Variants in THBS1 observed in about 807,000 individuals in gnomAD.
The protein encoded by THBS1 is thrombospondin 1.
THBS1 carries 29 observed loss-of-function variants against 126.1 expected under a neutral mutation model. The observed-to-expected ratio is 0.23, with a 90% confidence interval of 0.17 to 0.31. The LOEUF (loss-of-function observed/expected upper bound fraction) is 0.31. THBS1 is among the 10% of genes least tolerant of loss of function. The pLI is 1.00. For synonymous variants in THBS1, 496 were observed against 577.8 expected (o/e 0.86, Z 2.03); for missense variants, 1,198 against 1,545.2 (o/e 0.78, Z 3.77).
rs374502372 is a variant in THBS1 at position 39,583,577 on chromosome 15, G to A, written c.628-40G>A. The A allele has an allele frequency of 5.7e-5, 37 of 647,764 alleles. 1 individual carries two copies. Among genetic ancestry groups the A allele is most frequent in the Non-Finnish European group, 8.7e-5 (31 of 355,200 alleles). The allele number at this position is 647,764 out of a possible 1,614,324, so 40.1% of individuals were successfully genotyped here. On this transcript the variant is annotated intron_variant, in intron 3 of 21. Transcript: ENST00000260356. ...TCTCCCCCAACCCCATCCCCACCCC[G>A]CTCTGCATTCTACAAGTAATGTGTG...
chr15:39,584,317 G>T lies in THBS1; in HGVS notation c.921G>T (p.Glu307Asp). The T allele has an allele frequency of 1.9e-6, 3 of 1,614,246 alleles. No individual in the cohort carries two copies. Among genetic ancestry groups the T allele is most frequent in the Non-Finnish European group, 2.5e-6 (3 of 1,180,042 alleles). Residue 307 changes from glutamate to aspartate, a missense_variant, in exon 6 of 22, where the codon GAG (glutamate) becomes GAT (aspartate). Physicochemically the swap from Glu to Asp is conservative, Grantham distance 45 (BLOSUM62 2). Coordinates refer to ENST00000260356, the MANE Select transcript of THBS1 (RefSeq NM_003246.4). Reference sequence around the variant, plus strand: ...CCATTTAGACTGAAGAGAACAAAGAGTTGGCCAATGAGCTGAGGCGGCCTC... The same window carrying T: ...CCATTTAGACTGAAGAGAACAAAGATTTGGCCAATGAGCTGAGGCGGCCTC... ...SIRKVTEENK[E>D]LANELRRPPL...
chr15:39,587,558 C>T, intron 8 of THBS1, 38 bp downstream of exon 8: 1 of 1,576,168 alleles, frequency 6.3e-7, no homozygotes, highest in Non-Finnish European at 8.6e-7. Flanking sequence ...GGAGAACTGA[C>T]CTGTCCTTGT....
rs913958833 is a variant in THBS1 at position 39,597,424 on chromosome 15, T to C, written c.*2055T>C. The C allele has an allele frequency of 6.6e-6, 1 of 152,038 alleles. No homozygotes were observed. The highest frequency in any genetic ancestry group is 2.4e-5 in the African/African-American group (1 of 41,418). 9.4% of individuals were successfully genotyped at this position (152,038 alleles called of 1,614,324 possible). A position where few individuals can be genotyped will look rare whatever the true frequency, so the allele number is the denominator to read the frequency against. ...GTAAGTTGTATATTACTGTTTCTTA[T>C]GTACAAGGAACAACAATAAATCATA... On this transcript the variant is annotated 3_prime_UTR_variant, in exon 22 of 22. Coordinates refer to ENST00000260356, the MANE Select transcript of THBS1 (RefSeq NM_003246.4).
chr15:39,589,751 G>C lies in THBS1; in HGVS notation c.1927-54G>C, dbSNP rs1352082040. 1 of 1,506,354 alleles carries C rather than the reference G, an allele frequency of 6.6e-7. No homozygotes were observed. The highest frequency in any genetic ancestry group is 1.4e-5 in the African/African-American group (1 of 71,902). The allele number at this position is 1,506,354 out of a possible 1,614,324, so 93.3% of individuals were successfully genotyped here. A position where few individuals can be genotyped will look rare whatever the true frequency, so the allele number is the denominator to read the frequency against. ...CAGGGATCTGGATTCTTGTTTCCAT[G>C]ATATCTGAGGATTCTCAAAAGCTCT... On this transcript the variant is annotated intron_variant, in intron 12 of 21. Transcript: ENST00000260356. This position sits in a 1 kb window ranked among gnomAD's most constrained non-coding sequence, Gnocchi z 4.7.
chr15:39,589,440 ACCCTTC>A lies in THBS1; in HGVS notation c.1926+87_1926+92del. 1 of 1,493,462 alleles carries A rather than the reference ACCCTTC, an allele frequency of 6.7e-7. No homozygotes were observed. Among genetic ancestry groups the A allele is most frequent in the Non-Finnish European group, 9.0e-7 (1 of 1,113,774 alleles). The allele number at this position is 1,493,462 out of a possible 1,614,324, so 92.5% of individuals were successfully genotyped here. A position where few individuals can be genotyped will look rare whatever the true frequency, so the allele number is the denominator to read the frequency against. Reference sequence around the variant, plus strand: ...GGGAGCGGGAGGAATGTAATTTCATACCCTTCACCAAAAAAAAAAGGGCGAGGAGAT... The same window carrying A: ...GGGAGCGGGAGGAATGTAATTTCATAACCAAAAAAAAAAGGGCGAGGAGAT... On this transcript the variant is annotated intron_variant, in intron 12 of 21. Transcript: ENST00000260356. This position sits in a 1 kb window ranked among gnomAD's most constrained non-coding sequence, Gnocchi z 4.7.
Position 39,588,668 on chromosome 15 carries a change from C to T in THBS1, c.1614C>T (p.Asn538=). 6.3e-7 allele frequency: 1 copy of T among 1,599,390 alleles called. No homozygotes were observed. The highest frequency in any genetic ancestry group is 1.1e-5 in the South Asian group (1 of 87,678). ...GKDCVGDVTE[N]QICNKQDCPI... ...ACTGCGTTGGTGATGTAACAGAAAA[C>T]CAGATCTGCAACAAGCAGGACTGTC... The change falls in exon 10 of 22, where the codon AAC becomes AAT. Residue 538 remains asparagine (N), a synonymous_variant. Coordinates refer to ENST00000260356, the MANE Select transcript of THBS1 (RefSeq NM_003246.4).
Position 39,590,530 on chromosome 15 carries a change from C to T in THBS1, c.2160C>T (p.Asn720=), listed in dbSNP as rs369739178. ...CTCTTTCCTAGGATAATTGCCCCAA[C>T]CTTCCCAACTCAGGGCAGGAAGACT... The part of the protein sequence containing the change: ...TYHCKKDNCP[N]LPNSGQEDYD... The change falls in exon 14 of 22, where the codon AAC becomes AAT. Residue 720 remains asparagine, a synonymous_variant. Coordinates refer to ENST00000260356, the MANE Select transcript of THBS1 (RefSeq NM_003246.4). 3 of 1,613,290 alleles carry T rather than the reference C, an allele frequency of 1.9e-6. No individual in the cohort carries two copies. The highest frequency in any genetic ancestry group is 2.5e-6 in the Non-Finnish European group (3 of 1,179,756).
chr15:39,581,639 CCTCTCTCTCT>C (rs3138595), intron 1 of THBS1, 180 bp from the exon 2 acceptor site: 16 of 366,060 alleles, frequency 4.4e-5, no homozygotes, highest in South Asian at 2.0e-4. Flanking sequence ...CTTTCCTCCA[CCTCTCTCTCT>C]CTCTCTCTCT....
In THBS1 at chr15:39,589,236, A is replaced by G. The variant is rs760043067; in HGVS notation, c.1808A>G (p.Asn603Ser). 9 of 1,614,018 alleles carry G rather than the reference A, an allele frequency of 5.6e-6. No individual in the cohort carries two copies. The highest frequency in any genetic ancestry group is 5.0e-5 in the Admixed American group (3 of 59,994). Residue 603 changes from asparagine (N) to serine (S), a missense_variant, in exon 12 of 22, where the codon AAT becomes AGT. Physicochemically the swap from Asn to Ser is conservative, Grantham distance 46. This residue lies in a region of THBS1 where 663 missense variants were observed against 860.1 expected (regional missense o/e 0.77). Transcript: ENST00000260356. This position sits in a 1 kb window ranked among gnomAD's most constrained non-coding sequence, Gnocchi z 4.7. ...KEVPDACFNH[N>S]GEHRCENTDP... ...GTGCCTGATGCCTGCTTCAACCACA[A>G]TGGAGAGCACCGGTGTGAGAACACG...
Position 39,581,208 on chromosome 15 carries a change from G to A in THBS1, c.-50G>A. The A allele has an allele frequency of 6.5e-6, 1 of 154,954 alleles. No homozygotes were observed. Among genetic ancestry groups the A allele is most frequent in the South Asian group, 1.8e-4 (1 of 5,662 alleles). The allele number at this position is 154,954 out of a possible 1,614,324, so 9.6% of individuals were successfully genotyped here. A position where few individuals can be genotyped will look rare whatever the true frequency, so the allele number is the denominator to read the frequency against. Reference sequence around the variant, plus strand: ...GCCGCCCTCGCCACCGCTCCCGGCCGCCGCGCTCCGGTACACACAGGTAAG... The same window carrying A: ...GCCGCCCTCGCCACCGCTCCCGGCCACCGCGCTCCGGTACACACAGGTAAG... On this transcript the variant is annotated 5_prime_UTR_variant, in exon 1 of 22. Coordinates refer to ENST00000260356, the MANE Select transcript of THBS1 (RefSeq NM_003246.4).
intron 4 of THBS1, 37 bp downstream of exon 4, chr15:39,583,729 CA>C (rs1890155393): frequency 6.3e-7 from 1 of 1,589,016 alleles, no homozygotes; most frequent in African/African-American, 1.4e-5. Context: ...CATAGGGAAT[CA>C]GGGGGAATTC....
chr15:39,592,828 G>A lies in THBS1; in HGVS notation c.2767+26G>A. 1.3e-6 allele frequency: 2 copies of A among 1,600,006 alleles called. No individual in the cohort carries two copies. Among genetic ancestry groups the A allele is most frequent in the East Asian group, 4.5e-5 (2 of 44,818 alleles). ...GTGAGTCATGGGAGCCACTTTCTAA[G>A]ACAGGGACTGCTGGCACAGCTGTGT... On this transcript the variant is annotated intron_variant, in intron 17 of 21. Coordinates refer to ENST00000260356, the MANE Select transcript of THBS1 (RefSeq NM_003246.4). The surrounding 1 kb of genome is among the most constrained non-coding windows in gnomAD (Gnocchi z 4.3).
At chr15:39,582,828 A>G (rs1890139627) in intron 3 of THBS1, 76 bp downstream of exon 3, 3 of 1,464,150 alleles carry the variant, frequency 2.0e-6, no homozygotes. Flanking sequence ...GCTACAGGAA[A>G]TCCTGTCTGT....
rs1313102892 is a variant in THBS1 at position 39,582,765 on chromosome 15, C to G, written c.627+13C>G. On this transcript the variant is annotated intron_variant, in intron 3 of 21. Coordinates refer to ENST00000260356, the MANE Select transcript of THBS1 (RefSeq NM_003246.4). ...TGACAATTTCCAGGTGAGGCTTCTT[C>G]TCTGAGCCCTGCTCCGTGGGATCAT... is the stretch of plus-strand genomic sequence containing the variant. The G allele has an allele frequency of 3.8e-6, 6 of 1,593,166 alleles. No homozygotes were observed. The highest frequency in any genetic ancestry group is 5.1e-6 in the Non-Finnish European group (6 of 1,170,894).
chr15:39,592,944 C>A lies in THBS1; in HGVS notation c.2768-56C>A. 2.5e-6 allele frequency: 4 copies of A among 1,575,962 alleles called. No homozygotes were observed. The highest frequency in any genetic ancestry group is 3.5e-6 in the Non-Finnish European group (4 of 1,151,580). On this transcript the variant is annotated intron_variant, in intron 17 of 21. Coordinates refer to ENST00000260356, the MANE Select transcript of THBS1 (RefSeq NM_003246.4). This position sits in a 1 kb window ranked among gnomAD's most constrained non-coding sequence, Gnocchi z 4.3. ...GACAAGATAGTGACATTTCTGACACCAGTAATAATAATAGCACTTTAGAAT... is the reference window on the plus strand; with the variant it reads ...GACAAGATAGTGACATTTCTGACACAAGTAATAATAATAGCACTTTAGAAT...
chr15:39,597,706 A>G lies in THBS1; in HGVS notation c.*2337A>G, dbSNP rs956163108. 11 of 152,240 alleles carry G rather than the reference A, an allele frequency of 7.2e-5. No individual in the cohort carries two copies. Among genetic ancestry groups the G allele is most frequent in the Non-Finnish European group, 1.3e-4 (9 of 68,052 alleles). 9.4% of individuals were successfully genotyped at this position (152,240 alleles called of 1,614,324 possible). A position where few individuals can be genotyped will look rare whatever the true frequency, so the allele number is the denominator to read the frequency against. On this transcript the variant is annotated 3_prime_UTR_variant, in exon 22 of 22. Coordinates refer to ENST00000260356, the MANE Select transcript of THBS1 (RefSeq NM_003246.4). ...TTAGCCTGCCATATCAAAAACATAT[A>G]AAAGAGAAATTATCCCTAAGTCAAG...
At chr15:39,587,973 C>T in intron 8 of THBS1, 69 bp from the exon 9 acceptor site, 1 of 1,493,012 alleles carries the variant, frequency 6.7e-7, no homozygotes, top group Admixed American at 1.9e-5. Context: ...TCTGCGTGCT[C>T]CTGATGGGAG....
Position 39,582,728 on chromosome 15 carries a change from G to T in THBS1, c.603G>T (p.Lys201Asn), listed in dbSNP as rs1248308133. The change falls in exon 3 of 22, where the codon AAG becomes AAT. Residue 201 changes from lysine (K) to asparagine (N), a missense_variant. This residue lies in a region of THBS1 where 271 missense variants were observed against 277.0 expected (regional missense o/e 0.98). Coordinates refer to ENST00000260356, the MANE Select transcript of THBS1 (RefSeq NM_003246.4). ...LASIARLRIA[K>N]GGVNDNFQGV... ...GCATCGCCAGACTCCGCATCGCAAA[G>T]GGGGGCGTCAATGACAATTTCCAGG... 6.2e-7 allele frequency: 1 copy of T among 1,611,344 alleles called. No individual in the cohort carries two copies. Among genetic ancestry groups the T allele is most frequent in the East Asian group, 2.2e-5 (1 of 44,868 alleles).
Position 39,597,625 on chromosome 15 carries a change from T to C in THBS1, c.*2256T>C, listed in dbSNP as rs1403368172. 1 of 152,188 alleles carries C rather than the reference T, an allele frequency of 6.6e-6. No homozygotes were observed. Among genetic ancestry groups the C allele is most frequent in the East Asian group, 1.9e-4 (1 of 5,204 alleles). 9.4% of individuals were successfully genotyped at this position (152,188 alleles called of 1,614,324 possible). ...ATGTGATTGAGAAAGACTGAGTTGC[T>C]CAGGCCTAGGCTTAGAATTTGCTGC... On this transcript the variant is annotated 3_prime_UTR_variant, in exon 22 of 22. Coordinates refer to ENST00000260356, the MANE Select transcript of THBS1 (RefSeq NM_003246.4).
Sources: allele counts gnomAD v4.1 joint callset, GRCh38; gene constraint gnomAD v4.1.1; regional missense constraint gnomAD v4.1.1; non-coding constraint Gnocchi (gnomAD v3.1); transcripts MANE v1.5; gene names NCBI Gene and HGNC (gene_info 2026-07-23, HGNC 2026-07-21).